ASAP2: variants seen among roughly 807,000 people sequenced by gnomAD.
The protein encoded by ASAP2 is ArfGAP with SH3 domain, ankyrin repeat and PH domain 2.
ASAP2 carries 45 observed loss-of-function variants against 131.4 expected under a neutral mutation model. That is an observed-to-expected ratio of 0.34 (90% CI 0.27 to 0.44). The LOEUF is 0.44. Ranked by LOEUF, ASAP2 falls within the 20% of genes least tolerant of loss-of-function variation. The pLI is 1.00. For synonymous variants in ASAP2, 510 were observed against 503.0 expected (o/e 1.01, Z -0.19); for missense variants, 1,011 against 1,297.0 (o/e 0.78, Z 3.39).
At chr2:9,263,860 G>T (rs571894410) in intron 1 of ASAP2, among the ~76,000 whole-genome samples, 3 of 152,236 alleles carry the variant, frequency 2.0e-5, no homozygotes, top group South Asian at 4.1e-4. Context: ...TCTATAATAG[G>T]TTAAGTATTT....
intron 1 of ASAP2, among the ~76,000 whole-genome samples, chr2:9,249,335 C>CA (rs1182963956): frequency 6.6e-6 from 1 of 152,218 alleles, no homozygotes; most frequent in Non-Finnish European, 1.5e-5. Flanking sequence ...ATTCTGCCCT[C>CA]ACGTCTCTAG....
intron 7 of ASAP2, among the ~76,000 whole-genome samples, chr2:9,332,888 G>A (rs970784210): frequency 2.6e-5 from 4 of 152,198 alleles, no homozygotes; most frequent in Non-Finnish European, 5.9e-5. Flanking sequence ...TTAAAATACA[G>A]GAACAAGAGT....
At chr2:9,295,070 A>G (rs1250251757) in intron 2 of ASAP2, among the ~76,000 whole-genome samples, 1 of 152,226 alleles carries the variant, frequency 6.6e-6, no homozygotes, top group African/African-American at 2.4e-5. Context: ...TTCACTGTTA[A>G]CCACACTCTA....
intron 1 of ASAP2, among the ~76,000 whole-genome samples, chr2:9,229,557 G>A (rs1434379794): frequency 3.3e-5 from 5 of 152,230 alleles, no homozygotes; most frequent in Admixed American, 6.5e-5. Context: ...GGAGCGGAGC[G>A]GTTGTGGCCA....
chr2:9,288,559 G>A lies in ASAP2; in HGVS notation c.200-8741G>A, dbSNP rs1420027978. 2.0e-5 allele frequency among the ~76,000 whole-genome samples: 3 copies of A among 152,104 alleles called. No homozygotes were observed. In the East Asian group the frequency reaches 5.8e-4, roughly 29 times the overall value. On this transcript the variant is annotated intron_variant, in intron 2 of 27. Coordinates refer to ENST00000281419, the MANE Select transcript of ASAP2 (RefSeq NM_003887.3). The stretch of plus-strand genomic sequence containing the variant: ...ACGTGGCAAAAATGAAGGGCTGAAA[G>A]CTGCTTACCCTGGCAAAATGCACAT...
intron 11 of ASAP2, among the ~76,000 whole-genome samples, chr2:9,346,742 C>T (rs1671992456): frequency 6.6e-6 from 1 of 152,236 alleles, no homozygotes; most frequent in Non-Finnish European, 1.5e-5. Flanking sequence ...ATATTTGCTT[C>T]ATTGAGAGTT....
At chr2:9,253,345 G>A (rs371728421) in intron 1 of ASAP2, among the ~76,000 whole-genome samples, 1 of 152,188 alleles carries the variant, frequency 6.6e-6, no homozygotes, top group South Asian at 2.1e-4. Flanking sequence ...TGTATTTTTA[G>A]TAGAGACAGA....
At chr2:9,316,998 C>T (rs1669728450) in intron 3 of ASAP2, among the ~76,000 whole-genome samples, 1 of 145,646 alleles carries the variant, frequency 6.9e-6, no homozygotes, top group Admixed American at 6.9e-5. Flanking sequence ...CACTCTCATA[C>T]ACTCTCACAA....
intron 1 of ASAP2, among the ~76,000 whole-genome samples, chr2:9,277,913 T>C (rs943787801): frequency 1.3e-5 from 2 of 152,226 alleles, no homozygotes; most frequent in Non-Finnish European, 2.9e-5. Context: ...AAAATTATCA[T>C]TGTGGCATTA....
intron 1 of ASAP2, among the ~76,000 whole-genome samples, chr2:9,245,839 T>G (rs11678445): frequency 1.3e-5 from 2 of 152,048 alleles, no homozygotes; most frequent in Non-Finnish European, 2.9e-5. Flanking sequence ...CGCCACCAGA[T>G]CCCCAGTGCC....
intron 2 of ASAP2, among the ~76,000 whole-genome samples, chr2:9,287,150 G>T (rs1035807452): frequency 1.3e-5 from 2 of 152,252 alleles, no homozygotes; most frequent in Non-Finnish European, 2.9e-5. Context: ...GCTGCGGCAT[G>T]CTGCCTGGTG....
intron 15 of ASAP2, among the ~76,000 whole-genome samples, chr2:9,364,254 C>T (rs1231003760): frequency 6.6e-6 from 1 of 152,082 alleles, no homozygotes; most frequent in African/African-American, 2.4e-5. Flanking sequence ...ACACCTATAG[C>T]TCCAGCACTT....
chr2:9,254,544 TTTTTTTTTTAGTAGAGACGGGG>T (rs1665019255), intron 1 of ASAP2, among the ~76,000 whole-genome samples: 2 of 121,668 alleles, frequency 1.6e-5, no homozygotes, highest in Non-Finnish European at 1.8e-5. Context: ...TTTTTTTTTT[TTTTTTTTTTAGTAGAGACGGGG>T]TTTTACCATG....
rs185997142 is a variant in ASAP2, at chr2:9,331,698, G to T, written c.687-3040G>T. The stretch of plus-strand genomic sequence containing the variant: ...CTGGAGAATCACTTGAACCCAAGAG[G>T]CGGAGGTTGCAGTGAGCTGAGATCA... On this transcript the variant is annotated intron_variant, in intron 7 of 27. Transcript: ENST00000281419. 8.5e-4 allele frequency among the ~76,000 whole-genome samples: 130 copies of T among 152,268 alleles called. 1 individual carries two copies. The highest frequency in any genetic ancestry group is 2.9e-3 in the South Asian group (14 of 4,810).
intron 7 of ASAP2, among the ~76,000 whole-genome samples, chr2:9,330,643 T>C (rs1670771410): frequency 6.6e-6 from 1 of 152,204 alleles, no homozygotes; most frequent in South Asian, 2.1e-4. Flanking sequence ...TTATGGAGAC[T>C]CAAAATTCTT....
At chr2:9,379,094 T>C in intron 19 of ASAP2, 35 bp downstream of exon 19, 1 of 1,430,224 alleles carries the variant, frequency 7.0e-7, no homozygotes. Context: ...TGGGCTCAGC[T>C]GCACCCTGGC....
At chr2:9,223,056 C>T (rs1662538742) in intron 1 of ASAP2, among the ~76,000 whole-genome samples, 1 of 152,198 alleles carries the variant, frequency 6.6e-6, no homozygotes. Context: ...GGATTTTAGG[C>T]AGAGGCCTTC....
intron 16 of ASAP2, among the ~76,000 whole-genome samples, chr2:9,369,810 ATAGGTGG>A (rs1673792198): frequency 1.3e-5 from 2 of 152,204 alleles, no homozygotes; most frequent in Admixed American, 1.3e-4. Context: ...GGTTTCACAA[ATAGGTGG>A]TAGTGTATGG....
chr2:9,287,211 G>A (rs188832254), intron 2 of ASAP2, among the ~76,000 whole-genome samples: 1 of 152,226 alleles, frequency 6.6e-6, no homozygotes, highest in African/African-American at 2.4e-5. Context: ...AAGCAGCAAC[G>A]TGGGGAACAC....
Sources: gnomAD v4.1 joint callset for allele counts (sites outside exome capture counted in the v4.1 genomes callset) on GRCh38, gnomAD v4.1.1 for gene constraint, MANE v1.5 for transcripts, NCBI Gene and HGNC (gene_info 2026-07-23, HGNC 2026-07-21) for gene names.